The following ERC1 variants were observed in gnomAD, a reference collection of about 807,000 sequenced individuals.
ERC1 encodes ELKS/RAB6-interacting/CAST family member 1.
In ERC1, 56 loss-of-function variants were observed where a neutral mutation model predicts 132.0. The observed-to-expected ratio is 0.42, with a 90% CI of 0.34 to 0.53. The LOEUF (loss-of-function observed/expected upper bound fraction) is 0.53, where lower values mean the gene tolerates loss of function less well. Among genes scored for constraint, ERC1 ranks in the 20% least tolerant of loss-of-function variants. The pLI, the probability that ERC1 is intolerant of heterozygous loss-of-function variation, is 0.03. For synonymous variants in ERC1, 478 were observed against 476.1 expected, an observed-to-expected ratio of 1.00 and a Z score of -0.05; for missense variants, 1,202 against 1,349.9, an observed-to-expected ratio of 0.89 and a Z score of 1.72.
Position 1,236,898 on chromosome 12 carries a change from G to A in ERC1, c.2481G>A (p.Gln827=), listed in dbSNP as rs1033953085. ...REDNLNDSSQ[Q]LQDSLRKKDD... is the part of the protein sequence containing the mutation. ...ACAATCTCAACGACAGCTCTCAGCAGCTACAGGTTAGAACACAAGGAGAAT... is the reference window on the plus strand; with the variant it reads ...ACAATCTCAACGACAGCTCTCAGCAACTACAGGTTAGAACACAAGGAGAAT... The change falls in exon 13 of 19, where the codon CAG becomes CAA. Residue 827 remains glutamine (Q), a synonymous_variant. Coordinates refer to ENST00000360905, the MANE Select transcript of ERC1 (RefSeq NM_178040.4). The A allele has an allele frequency of 6.2e-6, 10 of 1,613,812 alleles. No individual in the cohort carries two copies. In the African/African-American group the frequency reaches 1.3e-4, roughly 22 times the overall value.
intron 2 of ERC1, among the ~76,000 whole-genome samples, chr12:1,036,188 T>A (rs1969041578): frequency 6.6e-6 from 1 of 152,132 alleles, no homozygotes. Context: ...CTGATTTTTA[T>A]GTTGCTCATT....
At chr12:1,319,875 G>A (rs1386798154) in intron 15 of ERC1, among the ~76,000 whole-genome samples, 1 of 152,070 alleles carries the variant, frequency 6.6e-6, no homozygotes, top group East Asian at 1.9e-4. Flanking sequence ...GATAGAAATG[G>A]AATAGCATAT....
chr12:1,161,870 A>G (rs548092523), intron 8 of ERC1, among the ~76,000 whole-genome samples: 1 of 152,322 alleles, frequency 6.6e-6, no homozygotes, highest in Admixed American at 6.5e-5. Context: ...TTTCATGAAT[A>G]TTATAACTGT....
In ERC1 at chr12:1,154,330, T is replaced by TATATAC. The variant is rs373366048; in HGVS notation, c.1737+12544_1737+12545insTATACA. ...ATATATGTGTGTGTGTATATATATA[T>TATATAC]ACACACATACCCATGTGTGTTTATA... On this transcript the variant is annotated intron_variant, in intron 8 of 18. Transcript: ENST00000360905. Among the ~76,000 whole-genome samples, 855 of 137,558 alleles carry TATATAC rather than the reference T, an allele frequency of 6.2e-3. 11 individuals carry two copies. The highest frequency in any genetic ancestry group is 0.022 in the African/African-American group (804 of 37,334). The allele number at this position is 137,558 out of a possible 152,430, so 90.2% of individuals were successfully genotyped here. A position where few individuals can be genotyped will look rare whatever the true frequency, so the allele number is the denominator to read the frequency against.
At chr12:1,172,565 AC>A (rs771983668) in intron 8 of ERC1, among the ~76,000 whole-genome samples, 1 of 152,056 alleles carries the variant, frequency 6.6e-6, no homozygotes, top group Non-Finnish European at 1.5e-5. Context: ...GTTGGGTATC[AC>A]CCCCCTTCTA....
intron 3 of ERC1, among the ~76,000 whole-genome samples, chr12:1,100,124 A>G (rs1593288863): frequency 6.6e-6 from 1 of 152,138 alleles, no homozygotes; most frequent in Non-Finnish European, 1.5e-5. Context: ...CTGGGATTAC[A>G]GGCATGAACC....
chr12:1,485,489 C>T (rs1035823194), intron 18 of ERC1, among the ~76,000 whole-genome samples: 2 of 152,226 alleles, frequency 1.3e-5, no homozygotes, highest in African/African-American at 4.8e-5. Context: ...AGGCGTGAGC[C>T]ACTGCATCTG....
At position 1,209,081 on chromosome 12, in the gene ERC1, GTC is replaced by G. The variant is rs1241436577; in HGVS notation, c.2351+19032_2351+19033del. Reference sequence around the variant, plus strand: ...CCTCCCAGGTTCAGGCAATTCCCCTGTCTCAGCCTTCTGAGTAGCTGGGATTA... The same window carrying G: ...CCTCCCAGGTTCAGGCAATTCCCCTGTCAGCCTTCTGAGTAGCTGGGATTA... On this transcript the variant is annotated intron_variant, in intron 12 of 18. Coordinates refer to ENST00000360905, the MANE Select transcript of ERC1 (RefSeq NM_178040.4). Among the ~76,000 whole-genome samples the G allele has an allele frequency of 2.0e-5, 3 of 147,184 alleles. No individual in the cohort carries two copies. In the East Asian group the frequency reaches 6.1e-4, roughly 30 times the overall value.
intron 18 of ERC1, among the ~76,000 whole-genome samples, chr12:1,448,879 G>T (rs796905920): frequency 6.6e-6 from 1 of 152,244 alleles, no homozygotes; most frequent in Non-Finnish European, 1.5e-5. Context: ...ACCTTGCGCC[G>T]GGAAAAGCTG....
Position 1,266,391 on chromosome 12 carries a change from C to CTTTTTTTTTTTTT in ERC1, c.2619+3245_2619+3257dup, listed in dbSNP as rs71293128. Among the ~76,000 whole-genome samples the CTTTTTTTTTTTTT allele has an allele frequency of 4.6e-5, 2 of 43,016 alleles. 1 individual carries two copies. The highest frequency in any genetic ancestry group is 8.1e-5 in the Non-Finnish European group (2 of 24,808). 28.2% of individuals were successfully genotyped at this position (43,016 alleles called of 152,430 possible). A position where few individuals can be genotyped will look rare whatever the true frequency, so the allele number is the denominator to read the frequency against. ...TATTATTATTTTTATCGTTTCCTGT[C>CTTTTTTTTTTTTT]TTTTTTTTTTTTTTTTTTTTTTTTT... On this transcript the variant is annotated intron_variant, in intron 14 of 18. Coordinates refer to ENST00000360905, the MANE Select transcript of ERC1 (RefSeq NM_178040.4).
intron 15 of ERC1, among the ~76,000 whole-genome samples, chr12:1,298,553 A>AC (rs1555350722): frequency 6.8e-5 from 10 of 146,700 alleles, no homozygotes; most frequent in African/African-American, 1.7e-4. Flanking sequence ...AAAAAAAAAA[A>AC]AAACAAACAA....
chr12:1,127,968 A>ACTG (rs1295475648), intron 7 of ERC1, among the ~76,000 whole-genome samples: 4 of 152,198 alleles, frequency 2.6e-5, no homozygotes, highest in African/African-American at 9.6e-5. Flanking sequence ...TCCTCCTACC[A>ACTG]GTATTAATGG....
intron 1 of ERC1, among the ~76,000 whole-genome samples, chr12:1,026,513 T>C (rs1305076911): frequency 2.0e-5 from 3 of 152,236 alleles, no homozygotes; most frequent in African/African-American, 7.2e-5. Flanking sequence ...TACAATACTT[T>C]GTAAGAAACC....
In ERC1 at chr12:1,028,000, C is replaced by T. The variant is rs571730696; in HGVS notation, c.97C>T (p.Arg33Cys). 8.7e-6 allele frequency: 14 copies of T among 1,613,976 alleles called. No individual in the cohort carries two copies. Among genetic ancestry groups the T allele is most frequent in the African/African-American group, 4.0e-5 (3 of 74,892 alleles). Residue 33 changes from arginine to cysteine, a missense_variant, in exon 2 of 19, where the codon CGT becomes TGT. By Grantham distance (180) the Arg-to-Cys change is radical. Coordinates refer to ENST00000360905, the MANE Select transcript of ERC1 (RefSeq NM_178040.4). ...RLPRSPRLGH[R>C]RTNSTGGSSG... Reference sequence around the variant, plus strand: ...TCCACGTTCCCCTCGCTTGGGTCACCGTCGAACCAACAGTACGGGAGGGAG... The same window carrying T: ...TCCACGTTCCCCTCGCTTGGGTCACTGTCGAACCAACAGTACGGGAGGGAG...
intron 15 of ERC1, among the ~76,000 whole-genome samples, chr12:1,296,788 A>G (rs1367169047): frequency 6.6e-6 from 1 of 152,224 alleles, no homozygotes; most frequent in Non-Finnish European, 1.5e-5. Context: ...TTCAATCTGT[A>G]GAACAGGGAG....
chr12:1,394,270 G>A (rs761709425), intron 16 of ERC1, among the ~76,000 whole-genome samples: 1 of 149,958 alleles, frequency 6.7e-6, no homozygotes, highest in Admixed American at 6.7e-5. Context: ...CGTGGTGGCG[G>A]GCTCCTGTAG....
chr12:1,208,390 G>C (rs1957533896), intron 12 of ERC1, among the ~76,000 whole-genome samples: 1 of 151,802 alleles, frequency 6.6e-6, no homozygotes, highest in South Asian at 2.1e-4. Flanking sequence ...ATTAGTGTTA[G>C]TGTATTTTAT....
intron 4 of ERC1, among the ~76,000 whole-genome samples, chr12:1,107,904 G>A (rs778031557): frequency 6.6e-6 from 1 of 152,204 alleles, no homozygotes; most frequent in African/African-American, 2.4e-5. Flanking sequence ...TTGACAAAGA[G>A]CAGAGGATTT....
intron 3 of ERC1, among the ~76,000 whole-genome samples, chr12:1,093,028 A>G (rs1231592426): frequency 1.3e-5 from 2 of 152,170 alleles, no homozygotes; most frequent in African/African-American, 4.8e-5. Context: ...CATTTCCACT[A>G]TTTCTTTTCA....
Sources: allele counts gnomAD v4.1 joint callset (sites outside exome capture counted in the v4.1 genomes callset), GRCh38; gene constraint gnomAD v4.1.1; transcripts MANE v1.5; gene names NCBI Gene and HGNC (gene_info 2026-07-23, HGNC 2026-07-21).